DAB1: variants seen among roughly 807,000 people sequenced by gnomAD.
DAB1 encodes DAB adaptor protein 1, also known as disabled homolog 1.
A neutral mutation model predicts 64.6 loss-of-function variants in DAB1; 15 were observed. The observed-to-expected ratio is 0.23, with a 90% CI of 0.16 to 0.36. DAB1 has a LOEUF of 0.36. Among genes scored for constraint, DAB1 ranks in the 10% least tolerant of loss-of-function variants. The pLI, the probability that DAB1 is intolerant of heterozygous loss-of-function variation, is 1.00. For synonymous variants in DAB1, 235 were observed against 251.9 expected, an observed-to-expected ratio of 0.93 and a Z score of 0.64; for missense variants, 596 against 706.7, an observed-to-expected ratio of 0.84 and a Z score of 1.78.
chr1:57,091,020 C>A (rs1037199337), intron 4 of DAB1, among the ~76,000 whole-genome samples: 1 of 152,078 alleles, frequency 6.6e-6, no homozygotes, highest in Non-Finnish European at 1.5e-5. Context: ...TCCCTCACCC[C>A]GCCCCACCCC....
intron 6 of DAB1, among the ~76,000 whole-genome samples, chr1:57,659,122 T>G (rs1432975634): frequency 6.6e-6 from 1 of 151,924 alleles, no homozygotes; most frequent in East Asian, 1.9e-4. Flanking sequence ...GAGGCACAAG[T>G]CCCCACCACA....
intron 6 of DAB1, among the ~76,000 whole-genome samples, chr1:57,720,418 C>T (rs1647136285): frequency 1.3e-5 from 2 of 152,334 alleles, no homozygotes; most frequent in South Asian, 2.1e-4. Context: ...GACTCCTAAC[C>T]ACTGCCCCAT....
At chr1:57,110,573 T>G (rs139791561) in intron 4 of DAB1, among the ~76,000 whole-genome samples, 1 of 152,370 alleles carries the variant, frequency 6.6e-6, no homozygotes, top group East Asian at 1.9e-4. Flanking sequence ...ACGTATTTAG[T>G]GAACATTACT....
intron 6 of DAB1, among the ~76,000 whole-genome samples, chr1:57,811,563 T>C (rs986197637): frequency 6.6e-6 from 1 of 152,226 alleles, no homozygotes; most frequent in African/African-American, 2.4e-5. Context: ...GTCTTCTTTA[T>C]AAATTACTCA....
chr1:57,456,412 G>C (rs1686594437), intron 7 of DAB1, among the ~76,000 whole-genome samples: 1 of 152,062 alleles, frequency 6.6e-6, no homozygotes, highest in Non-Finnish European at 1.5e-5. Context: ...GATGTTGTTG[G>C]CTTTGAGGTT....
At chr1:57,394,106 T>C (rs1169121763) in intron 1 of DAB1, among the ~76,000 whole-genome samples, 1 of 152,222 alleles carries the variant, frequency 6.6e-6, no homozygotes, top group Non-Finnish European at 1.5e-5. Context: ...TTATCATATA[T>C]GGTGCAGTGA....
At chr1:58,507,228 G>A (rs561577192) in intron 2 of DAB1, among the ~76,000 whole-genome samples, 1 of 151,166 alleles carries the variant, frequency 6.6e-6, no homozygotes, top group Non-Finnish European at 1.5e-5. Flanking sequence ...TAAGTAACTG[G>A]AAAACAAGTG....
chr1:57,239,519 G>T (rs1434159079), intron 2 of DAB1, among the ~76,000 whole-genome samples: 2 of 152,148 alleles, frequency 1.3e-5, no homozygotes, highest in Non-Finnish European at 2.9e-5. Context: ...AGGCAATGGG[G>T]AGTGTGGTCC....
chr1:57,972,684 C>A (rs79615417), intron 5 of DAB1, among the ~76,000 whole-genome samples: 1 of 152,320 alleles, frequency 6.6e-6, no homozygotes, highest in South Asian at 2.1e-4. Context: ...CAGGATCTGA[C>A]ACCAACTGGA....
upstream of DAB1, among the ~76,000 whole-genome samples, chr1:57,427,691 T>C (rs1685341878): frequency 1.3e-5 from 2 of 152,248 alleles, no homozygotes; most frequent in South Asian, 4.1e-4. Context: ...TTTTACTTTT[T>C]CTGTAGCTTT....
At chr1:58,240,818 A>G (rs1450655463) in intron 4 of DAB1, among the ~76,000 whole-genome samples, 1 of 152,204 alleles carries the variant, frequency 6.6e-6, no homozygotes, top group African/African-American at 2.4e-5. Flanking sequence ...TCCCTGGTAT[A>G]TTAGTCCACA....
intron 2 of DAB1, among the ~76,000 whole-genome samples, chr1:57,209,180 G>C (rs1665817863): frequency 6.6e-6 from 1 of 152,220 alleles, no homozygotes; most frequent in Admixed American, 6.5e-5. Flanking sequence ...GGGGATGGGA[G>C]GGCCATGAGG....
chr1:57,054,344 C>T (rs1649520884), intron 9 of DAB1, among the ~76,000 whole-genome samples: 1 of 152,094 alleles, frequency 6.6e-6, no homozygotes, highest in African/African-American at 2.4e-5. Context: ...GAATGCAATG[C>T]TCTGCTTGCA....
chr1:57,274,983 G>T (rs1570131714), intron 2 of DAB1, among the ~76,000 whole-genome samples: 1 of 152,018 alleles, frequency 6.6e-6, no homozygotes, highest in South Asian at 2.1e-4. Context: ...AGCATAAGGA[G>T]GAGGAAGAGA....
intron 2 of DAB1, among the ~76,000 whole-genome samples, chr1:57,224,647 A>G (rs558608144): frequency 6.6e-6 from 1 of 152,348 alleles, no homozygotes; most frequent in South Asian, 2.1e-4. Flanking sequence ...ATTTCCCTTC[A>G]TCCTGGTTAA....
rs556121251 is a variant in DAB1 at position 57,140,065 on chromosome 1, G to A, written c.208-3424C>T. On this transcript the variant is annotated intron_variant, in intron 3 of 14. Coordinates refer to ENST00000371236, the MANE Select transcript of DAB1 (RefSeq NM_001365792.1). Reference sequence around the variant, plus strand: ...AAGACAGTGCCTTCAGGACACTGACGGGCTCATCTCCCCACAAGATTATTC... The same window carrying A: ...AAGACAGTGCCTTCAGGACACTGACAGGCTCATCTCCCCACAAGATTATTC... Among the ~76,000 whole-genome samples, 5 of 152,198 alleles carry A rather than the reference G, an allele frequency of 3.3e-5. No homozygotes were observed. The East Asian group carries it at 7.7e-4, about 24-fold the overall frequency.
chr1:57,416,533 G>A (rs1684510049), intron 1 of DAB1, among the ~76,000 whole-genome samples: 1 of 152,172 alleles, frequency 6.6e-6, no homozygotes, highest in African/African-American at 2.4e-5. Context: ...ATTTGGATAA[G>A]TAGTTATTGT....
chr1:57,147,439 T>C (rs1360621323), intron 2 of DAB1, among the ~76,000 whole-genome samples: 1 of 152,066 alleles, frequency 6.6e-6, no homozygotes. Flanking sequence ...AGTTTTCTTT[T>C]TGTTTTTTCC....
At chr1:57,484,881 A>G (rs1644069826) in intron 7 of DAB1, among the ~76,000 whole-genome samples, 2 of 152,178 alleles carry the variant, frequency 1.3e-5, no homozygotes, top group Non-Finnish European at 1.5e-5. Flanking sequence ...GTGCTGGTGA[A>G]CAAGTTGCCT....
Sources: allele counts gnomAD v4.1 joint callset (sites outside exome capture counted in the v4.1 genomes callset), GRCh38; gene constraint gnomAD v4.1.1; transcripts MANE v1.5; gene names NCBI Gene and HGNC (gene_info 2026-07-23, HGNC 2026-07-21).